UBE2E2: variants seen among roughly 807,000 people sequenced by gnomAD.
UBE2E2 encodes ubiquitin-conjugating enzyme E2 E2.
In UBE2E2, 6 loss-of-function variants were observed where a neutral mutation model predicts 24.7. The observed-to-expected ratio is 0.24, with a 90% CI of 0.13 to 0.48. UBE2E2 has a LOEUF of 0.48. UBE2E2 is among the 20% of genes least tolerant of loss of function. The probability of loss-of-function intolerance (pLI) is 0.99; values close to 1 mark genes in which losing one functional copy is unlikely to be tolerated. For synonymous variants in UBE2E2, 104 were observed against 83.6 expected, an observed-to-expected ratio of 1.24 and a Z score of -1.33; for missense variants, 169 against 245.0, an observed-to-expected ratio of 0.69 and a Z score of 2.07.
chr3:23,475,827 G>A (rs1440972415), intron 3 of UBE2E2, among the ~76,000 whole-genome samples: 2 of 152,032 alleles, frequency 1.3e-5, no homozygotes, highest in Admixed American at 6.5e-5. Flanking sequence ...AGAATGCTAG[G>A]TACATCATGC....
At position 23,464,362 on chromosome 3, in the gene UBE2E2, A is replaced by G. The variant is rs552578148; in HGVS notation, c.228-35246A>G. ...ATTAACTACCCTCAAGCAGTAAACT[A>G]TATTGGTTGCAGTATAGAAAGGATG... On this transcript the variant is annotated intron_variant, in intron 3 of 5. Coordinates refer to ENST00000396703, the MANE Select transcript of UBE2E2 (RefSeq NM_152653.4). Among the ~76,000 whole-genome samples, 10 of 152,260 alleles carry G rather than the reference A, an allele frequency of 6.6e-5. No homozygotes were observed. In the East Asian group the frequency reaches 7.7e-4, roughly 12 times the overall value.
intron 3 of UBE2E2, among the ~76,000 whole-genome samples, chr3:23,239,131 A>C (rs1426189102): frequency 1.3e-5 from 2 of 151,968 alleles, no homozygotes; most frequent in African/African-American, 4.8e-5. Context: ...TGAGTTTAAC[A>C]TTTTCTTATT....
At chr3:23,313,968 T>C (rs764846404) in intron 3 of UBE2E2, among the ~76,000 whole-genome samples, 3 of 152,174 alleles carry the variant, frequency 2.0e-5, no homozygotes, top group African/African-American at 4.8e-5. Flanking sequence ...GTAAATAATA[T>C]AACCATTATT....
intron 3 of UBE2E2, among the ~76,000 whole-genome samples, chr3:23,241,992 C>T (rs1265639036): frequency 6.6e-6 from 1 of 152,194 alleles, no homozygotes; most frequent in African/African-American, 2.4e-5. Flanking sequence ...TCACTGCAAC[C>T]TGTATCTTTT....
At chr3:23,568,924 C>A (rs1696156628) in intron 5 of UBE2E2, among the ~76,000 whole-genome samples, 1 of 151,694 alleles carries the variant, frequency 6.6e-6, no homozygotes. Flanking sequence ...AGCACTTTAG[C>A]AGTTCCTTAC....
intron 3 of UBE2E2, among the ~76,000 whole-genome samples, chr3:23,360,417 A>G (rs960610378): frequency 6.6e-6 from 1 of 152,222 alleles, no homozygotes; most frequent in Non-Finnish European, 1.5e-5. Context: ...ACAAAGATGA[A>G]TAAAACATGT....
At chr3:23,296,331 G>A (rs1413225236) in intron 3 of UBE2E2, among the ~76,000 whole-genome samples, 1 of 150,820 alleles carries the variant, frequency 6.6e-6, no homozygotes, top group South Asian at 2.1e-4. Context: ...TATTATTATT[G>A]TATGTTAAGT....
At chr3:23,581,854 C>T (rs1696484924) in intron 5 of UBE2E2, among the ~76,000 whole-genome samples, 1 of 152,206 alleles carries the variant, frequency 6.6e-6, no homozygotes, top group Non-Finnish European at 1.5e-5. Flanking sequence ...CCTGTCTTTT[C>T]TCCATTTCCT....
intron 5 of UBE2E2, among the ~76,000 whole-genome samples, chr3:23,540,771 G>C (rs1695380217): frequency 6.6e-6 from 1 of 152,084 alleles, no homozygotes; most frequent in Non-Finnish European, 1.5e-5. Context: ...CTGGACTGTA[G>C]TGGCACAATC....
intron 3 of UBE2E2, among the ~76,000 whole-genome samples, chr3:23,311,015 A>G (rs1694370695): frequency 6.6e-6 from 1 of 151,954 alleles, no homozygotes. Context: ...TCCTGCCGCC[A>G]CCCCACGATG....
chr3:23,449,271 T>C (rs1331410581), intron 3 of UBE2E2, among the ~76,000 whole-genome samples: 1 of 152,228 alleles, frequency 6.6e-6, no homozygotes. Flanking sequence ...CATTTTTAGA[T>C]ATCAACAGAC....
At chr3:23,336,555 A>G (rs1419984282) in intron 3 of UBE2E2, among the ~76,000 whole-genome samples, 1 of 152,234 alleles carries the variant, frequency 6.6e-6, no homozygotes, top group African/African-American at 2.4e-5. Flanking sequence ...TCCTTTAGAC[A>G]TACTGGTCCT....
rs1699248650 is a variant in UBE2E2 at position 23,481,041 on chromosome 3, A to G, written c.228-18567A>G. On this transcript the variant is annotated intron_variant, in intron 3 of 5. Transcript: ENST00000396703. ...ATTATTAGATACAACATTTTAGCAA[A>G]TATATGAAGTATCAATGGCTTTTGT... 2.6e-5 allele frequency among the ~76,000 whole-genome samples: 4 copies of G among 152,352 alleles called. No homozygotes were observed. In the East Asian group the frequency reaches 7.7e-4, roughly 29 times the overall value.
chr3:23,506,297 A>C (rs891616739), intron 4 of UBE2E2, among the ~76,000 whole-genome samples: 3 of 152,204 alleles, frequency 2.0e-5, no homozygotes, highest in African/African-American at 7.2e-5. Flanking sequence ...AACATCCAGT[A>C]GTCATCTCAA....
chr3:23,333,897 C>T (rs891689326), intron 3 of UBE2E2, among the ~76,000 whole-genome samples: 1 of 152,124 alleles, frequency 6.6e-6, no homozygotes. Context: ...AGATAACAGA[C>T]TAGTAAATAC....
chr3:23,586,368 C>G (rs1476203218), intron 5 of UBE2E2, among the ~76,000 whole-genome samples: 3 of 152,172 alleles, frequency 2.0e-5, no homozygotes, highest in Non-Finnish European at 4.4e-5. Flanking sequence ...GATCACAGCT[C>G]ACTGTAGTCT....
At chr3:23,548,603 G>A (rs745530398) in intron 5 of UBE2E2, among the ~76,000 whole-genome samples, 5 of 152,010 alleles carry the variant, frequency 3.3e-5, no homozygotes, top group Admixed American at 6.6e-5. Context: ...CCCTTTTCCC[G>A]TTAGCTGGTC....
intron 4 of UBE2E2, among the ~76,000 whole-genome samples, chr3:23,524,865 GACACACAC>G (rs59806964): frequency 3.4e-5 from 5 of 147,534 alleles, no homozygotes; most frequent in East Asian, 2.0e-4. Context: ...CAGACACACA[GACACACAC>G]ACACACACAC....
intron 3 of UBE2E2, among the ~76,000 whole-genome samples, chr3:23,489,029 T>C (rs375926554): frequency 1.3e-5 from 2 of 152,092 alleles, no homozygotes; most frequent in Non-Finnish European, 2.9e-5. Context: ...ACCTTTCTGG[T>C]TTTTTTACTT....
Sources: allele counts gnomAD v4.1 joint callset (sites outside exome capture counted in the v4.1 genomes callset), GRCh38; gene constraint gnomAD v4.1.1; transcripts MANE v1.5; gene names NCBI Gene and HGNC (gene_info 2026-07-23, HGNC 2026-07-21).